Variants in PARD3B observed in about 807,000 individuals in gnomAD.
PARD3B encodes par-3 family cell polarity regulator beta.
In PARD3B, 103 loss-of-function variants were observed where a neutral mutation model predicts 130.2. That is an observed-to-expected ratio of 0.79 (90% CI 0.67 to 0.93). The LOEUF (loss-of-function observed/expected upper bound fraction) is 0.93, where lower values mean the gene tolerates loss of function less well. Ranked by LOEUF, PARD3B falls within the 40% of genes least tolerant of loss-of-function variation. PARD3B has a pLI of 0.00. For missense variants in PARD3B, 1,609 were observed against 1,499.2 expected (o/e 1.07, Z -1.21); for synonymous variants, 583 against 553.2 (o/e 1.05, Z -0.76).
chr2:204,574,060 TC>T (rs1248936501), intron 1 of PARD3B, among the ~76,000 whole-genome samples: 1 of 152,200 alleles, frequency 6.6e-6, no homozygotes, highest in Non-Finnish European at 1.5e-5. Context: ...TTGTGGCCTT[TC>T]TTCTGGGCTT....
At position 205,272,170 on chromosome 2, in the gene PARD3B, A is replaced by G. The variant is rs575774457; in HGVS notation, c.2185+26348A>G. On this transcript the variant is annotated intron_variant, in intron 16 of 22. Transcript: ENST00000406610. ...GAGACTCTGTCTCAAAAAAAAAAAA[A>G]AAGAAGATGCTTTATTTTTGTCTTG... is the stretch of plus-strand genomic sequence containing the variant. Among the ~76,000 whole-genome samples the G allele has an allele frequency of 5.9e-5, 9 of 152,170 alleles. No homozygotes were observed. The South Asian group carries it at 1.5e-3, about 25-fold the overall frequency.
chr2:205,159,883 A>G (rs1323172404), intron 11 of PARD3B, among the ~76,000 whole-genome samples: 1 of 152,214 alleles, frequency 6.6e-6, no homozygotes, highest in East Asian at 1.9e-4. Flanking sequence ...AAAAGAGACA[A>G]TATGTGTCAA....
intron 2 of PARD3B, among the ~76,000 whole-genome samples, chr2:204,812,668 A>C (rs997185799): frequency 1.3e-5 from 2 of 152,256 alleles, no homozygotes; most frequent in Non-Finnish European, 2.9e-5. Context: ...TACCAGTTGA[A>C]TGTTCCTAAA....
In PARD3B at chr2:205,274,543, T is replaced by TTTAA. The variant is rs3048058; in HGVS notation, c.2186-25985_2186-25982dup. 0.89 allele frequency among the ~76,000 whole-genome samples: 134,456 copies of TTTAA among 151,488 alleles called. 59,880 individuals are homozygous for TTTAA. The highest frequency in any genetic ancestry group is 0.92 in the Admixed American group (14,083 of 15,236). On this transcript the variant is annotated intron_variant, in intron 16 of 22. Coordinates refer to ENST00000406610, the MANE Select transcript of PARD3B (RefSeq NM_001302769.2). This position sits in a 1 kb window ranked among gnomAD's most constrained non-coding sequence, Gnocchi z 4.2. ...ATTAAATGTGTGGTACATTGCTTTT[T>TTTAA]TTAATAACCCCTTTCCTGATATCCC...
At chr2:205,304,504 G>T (rs1401764014) in intron 18 of PARD3B, among the ~76,000 whole-genome samples, 1 of 151,976 alleles carries the variant, frequency 6.6e-6, no homozygotes, top group African/African-American at 2.4e-5. Flanking sequence ...GCGTGGTGGT[G>T]CATGCCTATA....
intron 2 of PARD3B, among the ~76,000 whole-genome samples, chr2:204,747,410 C>T (rs996115736): frequency 1.3e-5 from 2 of 152,030 alleles, no homozygotes; most frequent in South Asian, 4.1e-4. Context: ...AACTATAAAC[C>T]ACTGCTCAAC....
chr2:205,028,509 A>G (rs1209485290), intron 3 of PARD3B, among the ~76,000 whole-genome samples: 1 of 152,140 alleles, frequency 6.6e-6, no homozygotes, highest in Non-Finnish European at 1.5e-5. Flanking sequence ...TGAAAAGCTG[A>G]AAGTTTTTAA....
chr2:205,171,273 G>C (rs1463440124), intron 11 of PARD3B, among the ~76,000 whole-genome samples: 1 of 152,138 alleles, frequency 6.6e-6, no homozygotes, highest in Non-Finnish European at 1.5e-5. Flanking sequence ...CCCTGAGTCT[G>C]GCTGTCAACA....
intron 10 of PARD3B, among the ~76,000 whole-genome samples, chr2:205,135,768 T>G (rs955499915): frequency 5.3e-5 from 8 of 152,166 alleles, no homozygotes; most frequent in Admixed American, 2.6e-4. Flanking sequence ...GCCCTTTTAC[T>G]GAACCTGTCG....
At chr2:205,019,337 A>G (rs1367742044) in intron 3 of PARD3B, among the ~76,000 whole-genome samples, 1 of 152,158 alleles carries the variant, frequency 6.6e-6, no homozygotes, top group Non-Finnish European at 1.5e-5. Context: ...TTTACTGCCA[A>G]ATAATATTTC....
chr2:205,054,498 A>T (rs1205178358), intron 4 of PARD3B, among the ~76,000 whole-genome samples: 1 of 130,590 alleles, frequency 7.7e-6, no homozygotes, highest in African/African-American at 2.9e-5. Flanking sequence ...CACAACGTGC[A>T]GGTTTGTTAC....
chr2:204,736,161 A>T (rs1396352510), intron 2 of PARD3B, among the ~76,000 whole-genome samples: 1 of 129,764 alleles, frequency 7.7e-6, no homozygotes, highest in East Asian at 2.0e-4. Context: ...ATCTATGAGT[A>T]CTATTTTTTT....
chr2:205,279,363 T>C (rs2041100348), intron 16 of PARD3B, among the ~76,000 whole-genome samples: 1 of 152,228 alleles, frequency 6.6e-6, no homozygotes, highest in South Asian at 2.1e-4. Flanking sequence ...TCACTGCCTC[T>C]GAGGCTAACT....
chr2:204,620,764 G>C (rs1391497110), intron 1 of PARD3B, among the ~76,000 whole-genome samples: 1 of 152,164 alleles, frequency 6.6e-6, no homozygotes, highest in Non-Finnish European at 1.5e-5. Context: ...TTGATGGGAA[G>C]TATGTACTTT....
chr2:205,282,868 C>G (rs988294491), intron 16 of PARD3B, among the ~76,000 whole-genome samples: 2 of 152,108 alleles, frequency 1.3e-5, no homozygotes, highest in African/African-American at 4.8e-5. Flanking sequence ...AGTAAAAGTT[C>G]CCACCCAGGT....
chr2:204,877,041 C>G (rs1332987245), intron 2 of PARD3B, among the ~76,000 whole-genome samples: 2 of 152,126 alleles, frequency 1.3e-5, no homozygotes, highest in African/African-American at 4.8e-5. Flanking sequence ...GGCACATATG[C>G]ACCATGGAAT....
intron 18 of PARD3B, among the ~76,000 whole-genome samples, chr2:205,380,667 AATAT>A (rs1440309119): frequency 1.1e-5 from 1 of 94,930 alleles, no homozygotes. Flanking sequence ...TATTATATAT[AATAT>A]ATAAAGAATA....
intron 1 of PARD3B, among the ~76,000 whole-genome samples, chr2:204,665,336 T>C (rs755405564): frequency 2.0e-5 from 3 of 152,122 alleles, no homozygotes; most frequent in Non-Finnish European, 4.4e-5. Context: ...TTAAAAGGAC[T>C]AGAAGGGCTC....
chr2:204,794,334 A>T (rs77103338), intron 2 of PARD3B, among the ~76,000 whole-genome samples: 3,762 of 152,336 alleles, frequency 0.025, 64 homozygotes, highest in South Asian at 0.075. Context: ...GATATTTATA[A>T]TACATTAATG....
Sources: allele counts gnomAD v4.1 joint callset (sites outside exome capture counted in the v4.1 genomes callset), GRCh38; gene constraint gnomAD v4.1.1; non-coding constraint Gnocchi (gnomAD v3.1); transcripts MANE v1.5; gene names NCBI Gene and HGNC (gene_info 2026-07-23, HGNC 2026-07-21).